DLG2: variants seen among roughly 807,000 people sequenced by gnomAD.
The protein encoded by DLG2 is discs large MAGUK scaffold protein 2.
A neutral mutation model predicts 132.5 loss-of-function variants in DLG2; 45 were observed. That is an observed-to-expected ratio of 0.34 (90% confidence interval 0.27 to 0.44). DLG2 has a LOEUF of 0.44. Among genes scored for constraint, DLG2 ranks in the 20% least tolerant of loss-of-function variants. DLG2 has a pLI of 1.00. For synonymous variants in DLG2, 424 were observed against 419.6 expected, an observed-to-expected ratio of 1.01 and a Z score of -0.13; for missense variants, 1,045 against 1,196.9, an observed-to-expected ratio of 0.87 and a Z score of 1.87.
chr11:84,005,211 C>T (rs920066677), intron 11 of DLG2, among the ~76,000 whole-genome samples: 2 of 151,934 alleles, frequency 1.3e-5, no homozygotes, highest in African/African-American at 4.8e-5. Context: ...TTATAGCCAA[C>T]TGACATTTGA....
chr11:85,061,444 A>T (rs988535620), intron 6 of DLG2, among the ~76,000 whole-genome samples: 1 of 151,782 alleles, frequency 6.6e-6, no homozygotes, highest in African/African-American at 2.4e-5. Flanking sequence ...TTGCAACTTG[A>T]ATTTCTCAGT....
chr11:83,594,430 T>G (rs2097250419), intron 19 of DLG2, among the ~76,000 whole-genome samples: 1 of 152,236 alleles, frequency 6.6e-6, no homozygotes, highest in East Asian at 1.9e-4. Flanking sequence ...AATACAGTCT[T>G]GAGTAATTTT....
chr11:83,825,035 C>A (rs2052100632), intron 17 of DLG2, among the ~76,000 whole-genome samples: 1 of 148,596 alleles, frequency 6.7e-6, no homozygotes, highest in African/African-American at 2.5e-5. Context: ...TATTGTTTTT[C>A]TTTTTGTTGT....
intron 3 of DLG2, among the ~76,000 whole-genome samples, chr11:85,567,172 G>A (rs1349314229): frequency 1.3e-5 from 2 of 152,082 alleles, no homozygotes; most frequent in Non-Finnish European, 2.9e-5. Context: ...TCATAATTTT[G>A]TACGAATTTT....
chr11:85,464,787 G>C (rs1423406804), intron 3 of DLG2, among the ~76,000 whole-genome samples: 2 of 151,694 alleles, frequency 1.3e-5, no homozygotes. Flanking sequence ...TCAGAAGCAT[G>C]ATTGAGGCCA....
rs140666060 is a variant in DLG2, at chr11:84,474,536, A to C, written c.519+60034T>G. Among the ~76,000 whole-genome samples the C allele has an allele frequency of 9.2e-5, 14 of 151,918 alleles. No homozygotes were observed. The East Asian group carries it at 2.7e-3, about 30-fold the overall frequency. ...TTTGCCAATGAGTGTGTTGAAGCCAACTCCTATAGACAATATATTCTCTTT... is the reference window on the plus strand; with the variant it reads ...TTTGCCAATGAGTGTGTTGAAGCCACCTCCTATAGACAATATATTCTCTTT... On this transcript the variant is annotated intron_variant, in intron 7 of 27. Transcript: ENST00000376104.
At chr11:85,410,171 C>T (rs1484050666) in intron 3 of DLG2, among the ~76,000 whole-genome samples, 1 of 151,786 alleles carries the variant, frequency 6.6e-6, no homozygotes, top group African/African-American at 2.4e-5. Flanking sequence ...AAATTGTACA[C>T]TTAAGGGTGT....
intron 17 of DLG2, among the ~76,000 whole-genome samples, chr11:83,789,002 T>C (rs1275709118): frequency 6.6e-6 from 1 of 152,216 alleles, no homozygotes; most frequent in East Asian, 1.9e-4. Flanking sequence ...TGTAAGGCCA[T>C]TTATTATAAT....
intron 18 of DLG2, among the ~76,000 whole-genome samples, chr11:83,673,385 C>T (rs2077155374): frequency 6.6e-6 from 1 of 152,148 alleles, no homozygotes; most frequent in South Asian, 2.1e-4. Context: ...ATGAAAAGGT[C>T]ATGAGAAGAC....
At chr11:85,080,341 A>G (rs771666686) in intron 6 of DLG2, among the ~76,000 whole-genome samples, 29 of 152,122 alleles carry the variant, frequency 1.9e-4, no homozygotes, top group Non-Finnish European at 2.8e-4. Context: ...GCTATATAGA[A>G]TTAGCAATGT....
Position 83,459,791 on chromosome 11 carries a change from G to T in DLG2, c.*27C>A, listed in dbSNP as rs1323273280. On this transcript the variant is annotated 3_prime_UTR_variant, in exon 28 of 28. Coordinates refer to ENST00000376104, the MANE Select transcript of DLG2 (RefSeq NM_001142699.3). Reference sequence around the variant, plus strand: ...ATTTTGTTCTTCTAAATGCTCTTCTGTCGTTGTCAGAGGCGCAGTAGCTAA... The same window carrying T: ...ATTTTGTTCTTCTAAATGCTCTTCTTTCGTTGTCAGAGGCGCAGTAGCTAA... 1.6e-6 allele frequency: 2 copies of T among 1,221,196 alleles called. No homozygotes were observed. Among genetic ancestry groups the T allele is most frequent in the Non-Finnish European group, 2.4e-6 (2 of 822,114 alleles). 75.6% of individuals were successfully genotyped at this position (1,221,196 alleles called of 1,614,324 possible). A position where few individuals can be genotyped will look rare whatever the true frequency, so the allele number is the denominator to read the frequency against.
At chr11:84,108,713 A>G (rs2154190082) in intron 9 of DLG2, among the ~76,000 whole-genome samples, 1 of 152,252 alleles carries the variant, frequency 6.6e-6, no homozygotes, top group East Asian at 1.9e-4. Context: ...CAGGGGAATT[A>G]CATTATCTGA....
At chr11:84,194,711 C>T (rs905646398) in intron 8 of DLG2, among the ~76,000 whole-genome samples, 23 of 152,240 alleles carry the variant, frequency 1.5e-4, no homozygotes, top group Non-Finnish European at 2.6e-4. Context: ...CTCAACCTGA[C>T]TCAGGACCCC....
intron 18 of DLG2, among the ~76,000 whole-genome samples, chr11:83,658,641 T>C (rs1202538839): frequency 6.6e-6 from 1 of 152,248 alleles, no homozygotes; most frequent in Non-Finnish European, 1.5e-5. Flanking sequence ...CCCACCTTCC[T>C]ATTCACAGTC....
At chr11:85,213,672 G>A (rs1175978526) in intron 4 of DLG2, among the ~76,000 whole-genome samples, 1 of 152,114 alleles carries the variant, frequency 6.6e-6, no homozygotes, top group Admixed American at 6.6e-5. Context: ...GGTCAGCTGT[G>A]AGGCATGTCT....
At chr11:85,118,243 A>G (rs2073906561) in intron 5 of DLG2, among the ~76,000 whole-genome samples, 1 of 152,078 alleles carries the variant, frequency 6.6e-6, no homozygotes, top group Non-Finnish European at 1.5e-5. Flanking sequence ...CCTCTTTTGT[A>G]AATGAAGAAA....
chr11:85,253,227 T>C (rs2076486982), intron 4 of DLG2, among the ~76,000 whole-genome samples: 1 of 152,202 alleles, frequency 6.6e-6, no homozygotes, highest in Non-Finnish European at 1.5e-5. Context: ...AATGGACAGG[T>C]TGACCCAAAA....
chr11:85,131,897 C>T (rs528711278), intron 5 of DLG2, among the ~76,000 whole-genome samples: 8 of 152,062 alleles, frequency 5.3e-5, no homozygotes, highest in Non-Finnish European at 1.0e-4. Context: ...ATCTAATCAA[C>T]GTGAGATACA....
intron 5 of DLG2, among the ~76,000 whole-genome samples, chr11:85,154,137 A>G (rs1293079200): frequency 2.1e-4 from 25 of 120,298 alleles, no homozygotes; most frequent in East Asian, 1.2e-3. Context: ...CTTTTGGAGA[A>G]AAAAAAAAAA....
Sources: gnomAD v4.1 joint callset for allele counts (sites outside exome capture counted in the v4.1 genomes callset) on GRCh38, gnomAD v4.1.1 for gene constraint, MANE v1.5 for transcripts, NCBI Gene and HGNC (gene_info 2026-07-23, HGNC 2026-07-21) for gene names.